SPMIP7: variants seen among roughly 807,000 people sequenced by gnomAD.
The protein encoded by SPMIP7 is protein SPMIP7.
At chr7:50,158,939 GCTCCC>G in the SPMIP7 span, 1 of 1,167,038 alleles carries the variant, frequency 8.6e-7, no homozygotes, top group Non-Finnish European at 1.2e-6. Context: ...TGCAGTGCGC[GCTCCC>G]CTCCCCTTCC....
the SPMIP7 span, among the ~76,000 whole-genome samples, chr7:50,098,816 G>A: frequency 7.8e-6 from 1 of 128,392 alleles, no homozygotes; most frequent in Middle Eastern, 3.8e-3. Flanking sequence ...CACATTGGGA[G>A]TTAGGCTTCA....
chr7:50,153,167 A>G, the SPMIP7 span, among the ~76,000 whole-genome samples: 1 of 152,226 alleles, frequency 6.6e-6, no homozygotes, highest in South Asian at 2.1e-4. Flanking sequence ...AGTGAAATGA[A>G]AAAGAAAGAC....
At chr7:50,099,720 CTG>C in the SPMIP7 span, among the ~76,000 whole-genome samples, 1 of 152,178 alleles carries the variant, frequency 6.6e-6, no homozygotes, top group East Asian at 1.9e-4. Context: ...GGCAACTAGA[CTG>C]TGCCAGATTC....
At chr7:50,154,241 G>T in the SPMIP7 span, among the ~76,000 whole-genome samples, 1 of 152,054 alleles carries the variant, frequency 6.6e-6, no homozygotes, top group Non-Finnish European at 1.5e-5. Context: ...CCTTCCCCCT[G>T]TGGTCAGAGC....
the SPMIP7 span, among the ~76,000 whole-genome samples, chr7:50,149,559 C>T: frequency 8.2e-3 from 1,248 of 152,304 alleles, 26 homozygotes; most frequent in African/African-American, 0.028. Flanking sequence ...GCCTGCTTCT[C>T]GATGCAGTGG....
At chr7:50,128,386 C>A in the SPMIP7 span, among the ~76,000 whole-genome samples, 66 of 151,896 alleles carry the variant, frequency 4.3e-4, 1 homozygote, top group South Asian at 9.5e-3. Context: ...ATAATTAAGA[C>A]CATGTTTGAT....
the SPMIP7 span, among the ~76,000 whole-genome samples, chr7:50,125,941 T>G: frequency 6.6e-6 from 1 of 152,100 alleles, no homozygotes; most frequent in East Asian, 1.9e-4. Context: ...TTACTTGAAA[T>G]GTGACAAGAG....
At chr7:50,148,536 G>T in the SPMIP7 span, among the ~76,000 whole-genome samples, 1 of 152,200 alleles carries the variant, frequency 6.6e-6, no homozygotes, top group Non-Finnish European at 1.5e-5. Flanking sequence ...CTTTCACACA[G>T]ATGGAGGGGA....
chr7:50,128,169 T>G, the SPMIP7 span, among the ~76,000 whole-genome samples: 16 of 151,946 alleles, frequency 1.1e-4, no homozygotes, highest in African/African-American at 3.6e-4. Context: ...TGTACCAACG[T>G]GGATGGAACT....
the SPMIP7 span, among the ~76,000 whole-genome samples, chr7:50,109,159 C>T: frequency 6.6e-6 from 1 of 152,090 alleles, no homozygotes; most frequent in East Asian, 1.9e-4. Context: ...GTTCTCATGG[C>T]CTACTTGTTT....
At chr7:50,157,936 T>C in the SPMIP7 span, among the ~76,000 whole-genome samples, 1 of 152,226 alleles carries the variant, frequency 6.6e-6, no homozygotes, top group Non-Finnish European at 1.5e-5. Flanking sequence ...CCAAACTTGA[T>C]AGGGCAAATT....
the SPMIP7 span, among the ~76,000 whole-genome samples, chr7:50,108,307 C>T: frequency 1.3e-5 from 2 of 151,968 alleles, no homozygotes; most frequent in Non-Finnish European, 2.9e-5. Context: ...AGACAGACAG[C>T]AAGGAAATTA....
the SPMIP7 span, among the ~76,000 whole-genome samples, chr7:50,146,782 G>A: frequency 0.069 from 10,546 of 152,116 alleles, 942 homozygotes; most frequent in African/African-American, 0.2. Flanking sequence ...CTCTTCCTCC[G>A]TCTCCCACTT....
the SPMIP7 span, among the ~76,000 whole-genome samples, chr7:50,100,608 C>T: frequency 6.6e-6 from 1 of 151,916 alleles, no homozygotes; most frequent in East Asian, 1.9e-4. Context: ...GTCAGGAGAT[C>T]GAGACCATTC....
chr7:50,110,660 G>A, the SPMIP7 span, among the ~76,000 whole-genome samples: 2 of 133,752 alleles, frequency 1.5e-5, no homozygotes, highest in African/African-American at 5.7e-5. Context: ...TATAATGTGT[G>A]TACATCACAT....
the SPMIP7 span, among the ~76,000 whole-genome samples, chr7:50,141,104 ATTATCT>A: frequency 1.3e-5 from 2 of 152,202 alleles, no homozygotes; most frequent in Non-Finnish European, 2.9e-5. Flanking sequence ...AGAAGAGAAA[ATTATCT>A]TTATATTTTT....
the SPMIP7 span, among the ~76,000 whole-genome samples, chr7:50,121,095 A>G: frequency 6.6e-6 from 1 of 152,186 alleles, no homozygotes; most frequent in Non-Finnish European, 1.5e-5. Context: ...AGATCTCATT[A>G]CAGTTAGAGT....
chr7:50,116,670 A>G, the SPMIP7 span, among the ~76,000 whole-genome samples: 19 of 152,342 alleles, frequency 1.2e-4, no homozygotes, highest in East Asian at 3.7e-3. Flanking sequence ...AGAGCTTCCT[A>G]AGTTGATTTA....
At chr7:50,154,877 T>C in the SPMIP7 span, among the ~76,000 whole-genome samples, 1 of 152,246 alleles carries the variant, frequency 6.6e-6, no homozygotes, top group Non-Finnish European at 1.5e-5. Context: ...CTTGTCTTTT[T>C]AATGGCAGCC....
Sources: allele counts gnomAD v4.1 joint callset (sites outside exome capture counted in the v4.1 genomes callset), GRCh38; gene constraint gnomAD v4.1.1; transcripts MANE v1.5; gene names NCBI Gene and HGNC (gene_info 2026-07-23, HGNC 2026-07-21).